PCDHA12: variants seen among roughly 807,000 people sequenced by gnomAD.
The protein encoded by PCDHA12 is protocadherin alpha 12.
In PCDHA12, 44 loss-of-function variants were observed where a neutral mutation model predicts 60.0. The ratio of observed to expected loss-of-function variants is 0.73; its 90% CI spans 0.58 to 0.94. The LOEUF (loss-of-function observed/expected upper bound fraction) is 0.94. Among genes scored for constraint, PCDHA12 ranks in the 40% least tolerant of loss-of-function variants. PCDHA12 has a pLI of 0.00. For synonymous variants in PCDHA12, 569 were observed against 553.0 expected (o/e 1.03, Z -0.40); for missense variants, 1,276 against 1,239.7 (o/e 1.03, Z -0.44).
At chr5:140,879,329 T>A (rs2057946411) in intron 1 of PCDHA12, among the ~76,000 whole-genome samples, 1 of 152,182 alleles carries the variant, frequency 6.6e-6, no homozygotes, top group Non-Finnish European at 1.5e-5. Context: ...ACTTTTTTAG[T>A]TTGTTCAGCT....
At chr5:141,005,220 C>T (rs2098201724) in intron 3 of PCDHA12, among the ~76,000 whole-genome samples, 1 of 152,192 alleles carries the variant, frequency 6.6e-6, no homozygotes, top group Admixed American at 6.5e-5. Flanking sequence ...CAAGTATTTA[C>T]TAAACACCTG....
rs782654875 is a variant in PCDHA12 at position 140,877,750 on chromosome 5, T to C, written c.2278T>C (p.Ser760Pro). ...GCAGCAGAGGAGGCAGAGGGTGTGC[T>C]CTGCAGAGAGCCCGCCCAAGACGGA... is the stretch of plus-strand genomic sequence containing the variant. The part of the protein sequence containing the change: ...YSQQRRQRVC[S>P]AESPPKTDLM... Residue 760 changes from serine (S) to proline (P), a missense_variant, in exon 1 of 4, where the codon TCT becomes CCT. By Grantham distance (74) the Ser-to-Pro change is moderately conservative (BLOSUM62 -1). Transcript: ENST00000398631. 6.2e-7 allele frequency: 1 copy of C among 1,614,146 alleles called. No homozygotes were observed. Among genetic ancestry groups the C allele is most frequent in the Non-Finnish European group, 8.5e-7 (1 of 1,180,020 alleles).
Position 140,876,075 on chromosome 5 carries a change from C to G in PCDHA12, c.603C>G (p.Asp201Glu). The G allele has an allele frequency of 6.2e-7, 1 of 1,613,908 alleles. No individual in the cohort carries two copies. The highest frequency in any genetic ancestry group is 8.5e-7 in the Non-Finnish European group (1 of 1,179,904). ...LPELVLRKLL[D>E]REQTPKLNLL... ...AATTAGTTCTTCGGAAGTTATTGGA[C>G]AGAGAGCAAACGCCAAAACTCAATT... Residue 201 changes from aspartate (D) to glutamate (E), a missense_variant, in exon 1 of 4, where the codon GAC (aspartate) becomes GAG (glutamate). Coordinates refer to ENST00000398631, the MANE Select transcript of PCDHA12 (RefSeq NM_018903.4).
At chr5:140,968,480 A>G in intron 1 of PCDHA12, 1 of 1,614,140 alleles carries the variant, frequency 6.2e-7, no homozygotes. Flanking sequence ...TGTGGTGGAC[A>G]TGAATGACCA....
intron 3 of PCDHA12, among the ~76,000 whole-genome samples, chr5:141,007,375 A>G (rs2098319986): frequency 6.8e-6 from 1 of 146,418 alleles, no homozygotes; most frequent in Non-Finnish European, 1.5e-5. Context: ...ACATGATGGA[A>G]CACCATCTCT....
intron 3 of PCDHA12, among the ~76,000 whole-genome samples, chr5:141,009,383 C>T (rs2098407441): frequency 6.6e-6 from 1 of 152,198 alleles, no homozygotes; most frequent in African/African-American, 2.4e-5. Flanking sequence ...TGATTGAGCA[C>T]AGGAGGTCGA....
At chr5:140,895,968 G>C (rs190056652) in intron 1 of PCDHA12, among the ~76,000 whole-genome samples, 4 of 151,938 alleles carry the variant, frequency 2.6e-5, no homozygotes, top group African/African-American at 4.8e-5. Flanking sequence ...CTGTCACCAG[G>C]CCTAGCTAAT....
chr5:140,883,564 G>C, intron 1 of PCDHA12: 1 of 1,614,174 alleles, frequency 6.2e-7, no homozygotes, highest in Non-Finnish European at 8.5e-7. Context: ...ACGGGGGCTC[G>C]CCTTCGCTGT....
intron 3 of PCDHA12, among the ~76,000 whole-genome samples, chr5:140,998,104 G>A (rs1554256160): frequency 6.6e-6 from 1 of 152,132 alleles, no homozygotes; most frequent in African/African-American, 2.4e-5. Context: ...GCAAACAGAG[G>A]AGAAAATTTA....
intron 2 of PCDHA12, among the ~76,000 whole-genome samples, chr5:140,981,637 C>A (rs1229068909): frequency 6.6e-6 from 1 of 152,150 alleles, no homozygotes; most frequent in Non-Finnish European, 1.5e-5. Context: ...TGGACATTTT[C>A]TCTTAGGATC....
intron 3 of PCDHA12, among the ~76,000 whole-genome samples, chr5:140,998,569 G>GT (rs71574497): frequency 0.37 from 55,088 of 149,258 alleles, 10,597 homozygotes; most frequent in African/African-American, 0.48. Flanking sequence ...TTGTAAATAA[G>GT]TTTTTTTTTT....
chr5:140,968,896 A>G (rs2096277975), intron 1 of PCDHA12: 1 of 1,614,240 alleles, frequency 6.2e-7, no homozygotes, highest in Non-Finnish European at 8.5e-7. Context: ...ATCTAATAAT[A>G]GCATTAAGCA....
chr5:140,988,268 G>A (rs1463795699), intron 3 of PCDHA12, among the ~76,000 whole-genome samples: 3 of 152,160 alleles, frequency 2.0e-5, no homozygotes, highest in Non-Finnish European at 4.4e-5. Context: ...AGTATCCTTC[G>A]CTGTCACCTG....
At chr5:140,972,096 A>G (rs2096519185) in intron 1 of PCDHA12, among the ~76,000 whole-genome samples, 1 of 152,168 alleles carries the variant, frequency 6.6e-6, no homozygotes. Context: ...AATTTCTGGC[A>G]TAGAAGCAGG....
chr5:140,967,997 C>T (rs551685820), intron 1 of PCDHA12: 1 of 1,614,102 alleles, frequency 6.2e-7, no homozygotes, highest in Non-Finnish European at 8.5e-7. Flanking sequence ...ACTGCCTTTC[C>T]GACTGAATGG....
rs146522449 is a variant in PCDHA12, at chr5:140,877,816, G to A, written c.2344G>A (p.Asp782Asn). ...CCCAAGCCTTCAGCTGTCTCGAGAA[G>A]ATTGTTTAAATCCTCCCAGTGAAGT... ...FSPSLQLSRE[D>N]CLNPPSEPRQ... is the part of the protein sequence containing the mutation. Residue 782 changes from aspartate to asparagine, a missense_variant, in exon 1 of 4, where the codon GAT (aspartate) becomes AAT (asparagine). By Grantham distance (23) the Asp-to-Asn change is conservative. Coordinates refer to ENST00000398631, the MANE Select transcript of PCDHA12 (RefSeq NM_018903.4). The A allele has an allele frequency of 2.8e-3, 4,449 of 1,609,310 alleles. 21 individuals carry two copies. Among genetic ancestry groups the A allele is most frequent in the African/African-American group, 0.01 (772 of 74,842 alleles).
rs115129184 is a variant in PCDHA12, at chr5:140,964,722, A to G, written c.2368-14227A>G. 3.1e-3 allele frequency among the ~76,000 whole-genome samples: 468 copies of G among 152,140 alleles called. 3 individuals are homozygous for G. The highest frequency in any genetic ancestry group is 5.1e-3 in the Non-Finnish European group (346 of 67,996). On this transcript the variant is annotated intron_variant, in intron 1 of 3. Transcript: ENST00000398631. ...AAGGCCTCCGAGATCAAATTACCAC[A>G]GCAAACTGAGACAGAATTATTGTAG...
chr5:140,946,091 A>G (rs1554217315), intron 1 of PCDHA12, among the ~76,000 whole-genome samples: 1 of 152,040 alleles, frequency 6.6e-6, no homozygotes, highest in Non-Finnish European at 1.5e-5. Flanking sequence ...TCTGATAAGG[A>G]GTTAACATAC....
intron 1 of PCDHA12, among the ~76,000 whole-genome samples, chr5:140,925,941 GAGA>G (rs1554203013): frequency 7.2e-6 from 1 of 138,610 alleles, no homozygotes; most frequent in East Asian, 1.9e-4. Flanking sequence ...GAGCCTCTTG[GAGA>G]AGGAGAAACT....
Sources: allele counts gnomAD v4.1 joint callset (sites outside exome capture counted in the v4.1 genomes callset), GRCh38; gene constraint gnomAD v4.1.1; transcripts MANE v1.5; gene names NCBI Gene and HGNC (gene_info 2026-07-23, HGNC 2026-07-21).